The following PTPN4 variants were observed in gnomAD, a reference collection of about 807,000 sequenced individuals.
PTPN4 encodes protein tyrosine phosphatase non-receptor type 4.
PTPN4 carries 49 observed loss-of-function variants against 135.5 expected under a neutral mutation model. That is an observed-to-expected ratio of 0.36 (90% CI 0.29 to 0.46). The LOEUF is 0.46. Ranked by LOEUF, PTPN4 falls within the 20% of genes least tolerant of loss-of-function variation. PTPN4 has a pLI of 1.00. For missense variants in PTPN4, 860 were observed against 1,101.0 expected (o/e 0.78, Z 3.10); for synonymous variants, 333 against 369.9 (o/e 0.90, Z 1.14).
At chr2:119,774,880 A>G (rs1186345855) in intron 1 of PTPN4, among the ~76,000 whole-genome samples, 1 of 151,950 alleles carries the variant, frequency 6.6e-6, no homozygotes, top group Non-Finnish European at 1.5e-5. Context: ...AAAATTAGGC[A>G]TGGTGGCATG....
intron 2 of PTPN4, among the ~76,000 whole-genome samples, chr2:119,842,665 T>C (rs974259593): frequency 2.0e-5 from 3 of 152,214 alleles, no homozygotes; most frequent in Non-Finnish European, 2.9e-5. Flanking sequence ...CTTTTTCTTT[T>C]GAAGTAATTG....
intron 2 of PTPN4, among the ~76,000 whole-genome samples, chr2:119,841,388 T>G (rs1677378796): frequency 6.6e-6 from 1 of 152,164 alleles, no homozygotes; most frequent in Non-Finnish European, 1.5e-5. Context: ...TTATATATTC[T>G]TAGAGTTGGA....
At chr2:119,761,770 GTT>G (rs1213166945) in intron 1 of PTPN4, among the ~76,000 whole-genome samples, 2 of 152,132 alleles carry the variant, frequency 1.3e-5, no homozygotes, top group African/African-American at 4.8e-5. Flanking sequence ...TTGCCAGTCT[GTT>G]TTAAAAATTT....
intron 22 of PTPN4, among the ~76,000 whole-genome samples, chr2:119,958,480 C>T (rs1679321623): frequency 6.6e-6 from 1 of 152,190 alleles, no homozygotes; most frequent in South Asian, 2.1e-4. Flanking sequence ...CCCCATACCT[C>T]TTACGCAGTT....
chr2:119,951,482 G>A (rs549985449), intron 18 of PTPN4, among the ~76,000 whole-genome samples: 1 of 152,354 alleles, frequency 6.6e-6, no homozygotes, highest in African/African-American at 2.4e-5. Flanking sequence ...ACTGAAAACA[G>A]ATGACCATCA....
At chr2:119,865,158 C>A (rs1677813824) in intron 3 of PTPN4, among the ~76,000 whole-genome samples, 1 of 152,080 alleles carries the variant, frequency 6.6e-6, no homozygotes, top group African/African-American at 2.4e-5. Flanking sequence ...GAGCACAAAT[C>A]TTATAAACAG....
At chr2:119,766,464 G>T (rs1324601508) in intron 1 of PTPN4, among the ~76,000 whole-genome samples, 1 of 142,642 alleles carries the variant, frequency 7.0e-6, no homozygotes, top group African/African-American at 2.8e-5. Flanking sequence ...GTGTGTGTGT[G>T]TGTGTGTGTG....
At chr2:119,812,669 T>C (rs1400795131) in intron 2 of PTPN4, among the ~76,000 whole-genome samples, 1 of 152,220 alleles carries the variant, frequency 6.6e-6, no homozygotes, top group African/African-American at 2.4e-5. Flanking sequence ...ATTTATTTAC[T>C]GTGGCCAACC....
chr2:119,859,215 G>A (rs1027083552), intron 2 of PTPN4, among the ~76,000 whole-genome samples: 1 of 152,044 alleles, frequency 6.6e-6, no homozygotes, highest in Non-Finnish European at 1.5e-5. Context: ...ATCTTTGTCA[G>A]ATAATTCCAA....
chr2:119,972,843 G>T (rs1380266444), intron 26 of PTPN4, among the ~76,000 whole-genome samples: 3 of 151,944 alleles, frequency 2.0e-5, no homozygotes, highest in Non-Finnish European at 4.4e-5. Context: ...TATTAAGGTG[G>T]TATATGACAT....
intron 12 of PTPN4, among the ~76,000 whole-genome samples, chr2:119,925,333 A>G (rs985731679): frequency 6.6e-6 from 1 of 152,228 alleles, no homozygotes; most frequent in African/African-American, 2.4e-5. Flanking sequence ...TGCAAAACAT[A>G]GGGCACAGGA....
At chr2:119,782,629 T>A (rs1690962135) in intron 1 of PTPN4, among the ~76,000 whole-genome samples, 1 of 151,550 alleles carries the variant, frequency 6.6e-6, no homozygotes, top group Non-Finnish European at 1.5e-5. Flanking sequence ...AGTGAATCAG[T>A]GGCTTACTAG....
At chr2:119,930,005 AATGTTAATCTTT>A (rs1364354311) in intron 13 of PTPN4, among the ~76,000 whole-genome samples, 1 of 152,162 alleles carries the variant, frequency 6.6e-6, no homozygotes, top group African/African-American at 2.4e-5. Flanking sequence ...TAGAGCCATA[AATGTTAATCTTT>A]ATTTTAAAAA....
intron 22 of PTPN4, among the ~76,000 whole-genome samples, 154 bp downstream of exon 22, chr2:119,957,231 G>A (rs888506400): frequency 1.2e-4 from 18 of 152,186 alleles, no homozygotes; most frequent in African/African-American, 3.4e-4. Flanking sequence ...AAATATTTTG[G>A]TACTTGTGTA....
chr2:119,810,306 A>G (rs1691554825), intron 2 of PTPN4, among the ~76,000 whole-genome samples: 1 of 152,206 alleles, frequency 6.6e-6, no homozygotes, highest in African/African-American at 2.4e-5. Flanking sequence ...TAAATAATTT[A>G]TACATATTCA....
intron 2 of PTPN4, among the ~76,000 whole-genome samples, chr2:119,836,716 C>A (rs922200592): frequency 6.6e-6 from 1 of 152,246 alleles, no homozygotes; most frequent in Admixed American, 6.5e-5. Flanking sequence ...AGTACCTGCT[C>A]CCACTGCCTG....
chr2:119,847,241 T>C (rs1677513602), intron 2 of PTPN4, among the ~76,000 whole-genome samples: 1 of 138,078 alleles, frequency 7.2e-6, no homozygotes, highest in Middle Eastern at 4.0e-3. Flanking sequence ...TATACTATAA[T>C]AAATCAGTTA....
At chr2:119,815,343 T>C (rs543771211) in intron 2 of PTPN4, among the ~76,000 whole-genome samples, 1 of 152,324 alleles carries the variant, frequency 6.6e-6, no homozygotes, top group South Asian at 2.1e-4. Context: ...CTGACTAGTA[T>C]TATGCATTTA....
At chr2:119,865,570 T>C (rs940851258) in intron 3 of PTPN4, among the ~76,000 whole-genome samples, 1 of 152,108 alleles carries the variant, frequency 6.6e-6, no homozygotes, top group Non-Finnish European at 1.5e-5. Context: ...GATGATGATA[T>C]AGATGCATAG....
Sources: gnomAD v4.1 joint callset for allele counts (sites outside exome capture counted in the v4.1 genomes callset) on GRCh38, gnomAD v4.1.1 for gene constraint, MANE v1.5 for transcripts, NCBI Gene and HGNC (gene_info 2026-07-23, HGNC 2026-07-21) for gene names.